Variants in NEDD4L observed in about 807,000 individuals in gnomAD.
NEDD4L encodes the protein NEDD4 like E3 ubiquitin protein ligase.
NEDD4L carries 54 observed loss-of-function variants against 148.9 expected under a neutral mutation model. The observed-to-expected ratio is 0.36, with a 90% CI of 0.29 to 0.45. The LOEUF (loss-of-function observed/expected upper bound fraction) is 0.45. Among genes scored for constraint, NEDD4L ranks in the 20% least tolerant of loss-of-function variants. The pLI is 1.00. For synonymous variants in NEDD4L, 433 were observed against 440.7 expected, an observed-to-expected ratio of 0.98 and a Z score of 0.22; for missense variants, 856 against 1,233.8, an observed-to-expected ratio of 0.69 and a Z score of 4.59.
intron 5 of NEDD4L, among the ~76,000 whole-genome samples, chr18:58,277,458 C>G (rs1043710602): frequency 1.1e-4 from 17 of 152,026 alleles, no homozygotes; most frequent in African/African-American, 4.1e-4. Flanking sequence ...AAATGTCTAC[C>G]AGGCATCTTG....
chr18:58,102,069 T>C (rs1291296379), intron 1 of NEDD4L, among the ~76,000 whole-genome samples: 2 of 152,140 alleles, frequency 1.3e-5, no homozygotes, highest in East Asian at 1.9e-4. Context: ...AATTTTATCT[T>C]TTTTTTCCTC....
chr18:58,162,610 C>T (rs1213693905), intron 1 of NEDD4L, among the ~76,000 whole-genome samples: 2 of 150,040 alleles, frequency 1.3e-5, no homozygotes, highest in African/African-American at 4.9e-5. Flanking sequence ...TATAGTCTGT[C>T]TTCCGCCTAC....
intron 6 of NEDD4L, among the ~76,000 whole-genome samples, chr18:58,317,645 T>C (rs1372454670): frequency 6.6e-6 from 1 of 152,052 alleles, no homozygotes; most frequent in African/African-American, 2.4e-5. Context: ...TAGAAAAAGG[T>C]TCCTCCTCCG....
At chr18:58,295,485 C>T (rs1350643119) in intron 5 of NEDD4L, among the ~76,000 whole-genome samples, 1 of 152,138 alleles carries the variant, frequency 6.6e-6, no homozygotes, top group Non-Finnish European at 1.5e-5. Context: ...ATTCCACTGT[C>T]TGGAAATGCC....
chr18:58,167,043 T>C (rs1195754052), intron 2 of NEDD4L, among the ~76,000 whole-genome samples: 1 of 152,178 alleles, frequency 6.6e-6, no homozygotes, highest in Non-Finnish European at 1.5e-5. Context: ...CCAAAAGAAA[T>C]TAGAAAAAAA....
At chr18:58,175,898 A>T (rs992088793) in intron 2 of NEDD4L, among the ~76,000 whole-genome samples, 2 of 152,048 alleles carry the variant, frequency 1.3e-5, no homozygotes, top group East Asian at 3.8e-4. Flanking sequence ...CCTCCACACC[A>T]CCCAGCCGAC....
intron 1 of NEDD4L, chr18:58,091,326 G>A (rs1664376960): frequency 6.6e-6 from 1 of 152,278 alleles, no homozygotes; most frequent in African/African-American, 2.4e-5. Context: ...CAGAGCTTGG[G>A]CTTTGGAGTC....
rs2047386618 is a variant in NEDD4L at position 58,375,077 on chromosome 18, C to T, written c.2352+1808C>T. On this transcript the variant is annotated intron_variant, in intron 24 of 30. Coordinates refer to ENST00000400345, the MANE Select transcript of NEDD4L (RefSeq NM_001144967.3). ...GGTCTCATCAGTGCCACCACTGTCC[C>T]CTCCCACCTGACACTTGGGCATCCC... 2.0e-5 allele frequency among the ~76,000 whole-genome samples: 3 copies of T among 152,098 alleles called. No individual in the cohort carries two copies. In the South Asian group the frequency reaches 6.2e-4, roughly 32 times the overall value.
chr18:58,068,222 C>T lies in NEDD4L; in HGVS notation c.48+23514C>T, dbSNP rs530658254. Among the ~76,000 whole-genome samples the T allele has an allele frequency of 1.7e-4, 21 of 125,680 alleles. 2 individuals are homozygous for T. The South Asian group carries it at 3.5e-3, about 21-fold the overall frequency. 82.5% of individuals were successfully genotyped at this position (125,680 alleles called of 152,430 possible). On this transcript the variant is annotated intron_variant, in intron 1 of 30. Coordinates refer to ENST00000400345, the MANE Select transcript of NEDD4L (RefSeq NM_001144967.3). The stretch of plus-strand genomic sequence containing the variant: ...TTTTTTTTTTTGTTTTGTTTTGAGA[C>T]GGAGTCTCGCTCTGTTGCCCAGGCT...
chr18:58,196,716 T>C (rs1212952827), intron 2 of NEDD4L, among the ~76,000 whole-genome samples: 1 of 130,516 alleles, frequency 7.7e-6, no homozygotes, highest in African/African-American at 3.9e-5. Flanking sequence ...CTCTCTTTTT[T>C]TTTTTTTTTT....
At chr18:58,219,723 T>G (rs2043530739) in intron 2 of NEDD4L, among the ~76,000 whole-genome samples, 1 of 152,194 alleles carries the variant, frequency 6.6e-6, no homozygotes, top group African/African-American at 2.4e-5. Context: ...ATTACCTCTT[T>G]AAATACCCTC....
chr18:58,353,966 A>T (rs1278785115), intron 18 of NEDD4L, among the ~76,000 whole-genome samples: 1 of 152,202 alleles, frequency 6.6e-6, no homozygotes, highest in Admixed American at 6.5e-5. Flanking sequence ...ATAATTAATT[A>T]TTTCTGCTTT....
chr18:58,134,159 C>G (rs1318321456), intron 1 of NEDD4L, among the ~76,000 whole-genome samples: 5 of 152,134 alleles, frequency 3.3e-5, no homozygotes, highest in Middle Eastern at 3.4e-3. Flanking sequence ...TGCCACAATG[C>G]CCAGCTATTT....
At chr18:58,310,051 C>T (rs559376043) in intron 5 of NEDD4L, among the ~76,000 whole-genome samples, 3 of 151,980 alleles carry the variant, frequency 2.0e-5, no homozygotes, top group East Asian at 3.9e-4. Flanking sequence ...CACTCTTGCT[C>T]GCTCTCTTTC....
At position 58,214,607 on chromosome 18, in the gene NEDD4L, TTGTGTGTGTGTGTG is replaced by T. The variant is rs59608519; in HGVS notation, c.123-30796_123-30783del. On this transcript the variant is annotated intron_variant, in intron 2 of 30. Coordinates refer to ENST00000400345, the MANE Select transcript of NEDD4L (RefSeq NM_001144967.3). ...ATTCCATAAACATTAGCTGCTCGGTTTGTGTGTGTGTGTGTGTGTGTGTGTGTGTGTGTGTGTTT... is the reference window on the plus strand; with the variant it reads ...ATTCCATAAACATTAGCTGCTCGGTTTGTGTGTGTGTGTGTGTGTGTGTTT... Among the ~76,000 whole-genome samples the T allele has an allele frequency of 3.7e-3, 537 of 145,412 alleles. 2 individuals carry two copies. The highest frequency in any genetic ancestry group is 0.012 in the African/African-American group (494 of 39,672).
chr18:58,239,141 T>A (rs1285320830), intron 2 of NEDD4L, among the ~76,000 whole-genome samples: 1 of 152,210 alleles, frequency 6.6e-6, no homozygotes, highest in Non-Finnish European at 1.5e-5. Context: ...CTTTAGTGTG[T>A]CAGGTAGTCG....
At chr18:58,281,637 A>G (rs1258190958) in intron 5 of NEDD4L, among the ~76,000 whole-genome samples, 1 of 151,740 alleles carries the variant, frequency 6.6e-6, no homozygotes, top group Non-Finnish European at 1.5e-5. Context: ...CCCTAACCTT[A>G]TGGCAGCTGT....
chr18:58,173,948 T>C (rs190753994), intron 2 of NEDD4L, among the ~76,000 whole-genome samples: 2 of 152,164 alleles, frequency 1.3e-5, no homozygotes, highest in African/African-American at 4.8e-5. Context: ...GATAAAAGCT[T>C]TTTACTCTTG....
intron 2 of NEDD4L, among the ~76,000 whole-genome samples, chr18:58,180,465 C>G (rs1050612972): frequency 6.6e-6 from 1 of 152,196 alleles, no homozygotes. Flanking sequence ...CACATCGGCC[C>G]AGGGGCGTTG....
Sources: allele counts gnomAD v4.1 joint callset (sites outside exome capture counted in the v4.1 genomes callset), GRCh38; gene constraint gnomAD v4.1.1; transcripts MANE v1.5; gene names NCBI Gene and HGNC (gene_info 2026-07-23, HGNC 2026-07-21).